The following TBCK variants were observed in gnomAD, a reference collection of about 807,000 sequenced individuals.
TBCK encodes the protein TBC domain-containing protein kinase-like protein.
In TBCK, 99 loss-of-function variants were observed where a neutral mutation model predicts 113.4. That is an observed-to-expected ratio of 0.87 (90% CI 0.74 to 1.03). The LOEUF (loss-of-function observed/expected upper bound fraction) is 1.03. Ranked by LOEUF, TBCK falls within the 50% of genes least tolerant of loss-of-function variation. TBCK has a pLI of 0.00. For missense variants in TBCK, 1,045 were observed against 1,061.3 expected (o/e 0.98, Z 0.21); for synonymous variants, 369 against 370.8 (o/e 1.00, Z 0.05).
chr4:106,237,450 C>A (rs931979909), intron 12 of TBCK: 1 of 454,316 alleles, frequency 2.2e-6, no homozygotes, highest in Non-Finnish European at 4.4e-6. Context: ...AAAATGTTAA[C>A]CACATCCTAA....
intron 25 of TBCK, among the ~76,000 whole-genome samples, chr4:106,057,138 C>T (rs2149454106): frequency 6.6e-6 from 1 of 151,704 alleles, no homozygotes; most frequent in African/African-American, 2.4e-5. Context: ...TCAGGCAAAC[C>T]CTTCTATTGT....
chr4:106,173,959 C>T (rs1439294404), intron 22 of TBCK, among the ~76,000 whole-genome samples: 1 of 152,082 alleles, frequency 6.6e-6, no homozygotes, highest in Non-Finnish European at 1.5e-5. Flanking sequence ...TATTTTGCAA[C>T]TCTGGGTAAA....
intron 12 of TBCK, among the ~76,000 whole-genome samples, chr4:106,241,519 A>G (rs1760137956): frequency 6.6e-6 from 1 of 152,010 alleles, no homozygotes; most frequent in Non-Finnish European, 1.5e-5. Context: ...GATTAAGGCA[A>G]TGTGGTATTT....
intron 24 of TBCK, among the ~76,000 whole-genome samples, chr4:106,107,474 C>T (rs1742298502): frequency 6.6e-6 from 1 of 152,060 alleles, no homozygotes; most frequent in Non-Finnish European, 1.5e-5. Context: ...GAAGTCAACA[C>T]AATAAAAATC....
At chr4:106,288,447 T>C (rs1297707232) in intron 3 of TBCK, among the ~76,000 whole-genome samples, 1 of 152,172 alleles carries the variant, frequency 6.6e-6, no homozygotes, top group Non-Finnish European at 1.5e-5. Flanking sequence ...GCATATATTA[T>C]ACATTTTCAG....
At chr4:106,215,444 C>T (rs936169474) in intron 19 of TBCK, among the ~76,000 whole-genome samples, 1 of 152,084 alleles carries the variant, frequency 6.6e-6, no homozygotes, top group Non-Finnish European at 1.5e-5. Context: ...AGTCAAGACC[C>T]ATCAGTGTGC....
In TBCK at chr4:106,061,324, T is replaced by C. The variant is rs529438709; in HGVS notation, c.2572-14644A>G. On this transcript the variant is annotated intron_variant, in intron 25 of 25. Coordinates refer to ENST00000394708, the MANE Select transcript of TBCK (RefSeq NM_001163435.3). ...CAGCCACTTCAATCTTTAGCCACCATTGCCCTTTAGGAACCTTTAGCAACC... is the reference window on the plus strand; with the variant it reads ...CAGCCACTTCAATCTTTAGCCACCACTGCCCTTTAGGAACCTTTAGCAACC... Among the ~76,000 whole-genome samples the C allele has an allele frequency of 4.0e-5, 6 of 151,872 alleles. No individual in the cohort carries two copies. The East Asian group carries it at 9.7e-4, about 25-fold the overall frequency.
chr4:106,236,764 T>G lies in TBCK; in HGVS notation c.1215A>C (p.Glu405Asp). ...ATGAGACTACATATACTCACTCATC[T>G]TCAAGTAATGGGTAAAATGCTTCTC... ...VGGEAFYPLL[E>D]DDQSNLPHSN... The change falls in exon 13 of 26, where the codon GAA becomes GAC. Residue 405 changes from glutamate (E) to aspartate (D), a missense_variant. Glu to Asp is a conservative substitution (Grantham distance 45, BLOSUM62 2). Coordinates refer to ENST00000394708, the MANE Select transcript of TBCK (RefSeq NM_001163435.3). 1 of 1,504,724 alleles carries G rather than the reference T, an allele frequency of 6.6e-7. No homozygotes were observed. The highest frequency in any genetic ancestry group is 8.9e-7 in the Non-Finnish European group (1 of 1,123,638). 93.2% of individuals were successfully genotyped at this position (1,504,724 alleles called of 1,614,324 possible).
intron 19 of TBCK, among the ~76,000 whole-genome samples, chr4:106,217,722 T>C (rs1324924133): frequency 2.0e-5 from 3 of 150,466 alleles, no homozygotes; most frequent in Non-Finnish European, 4.5e-5. Flanking sequence ...TCAAAGAGGA[T>C]ACAAACAAAT....
At chr4:106,170,534 T>C (rs1317066878) in intron 23 of TBCK, among the ~76,000 whole-genome samples, 1 of 152,102 alleles carries the variant, frequency 6.6e-6, no homozygotes, top group Non-Finnish European at 1.5e-5. Flanking sequence ...GAAAGTGCCA[T>C]ATCTGAAAAG....
chr4:106,147,318 C>G (rs1157005036), intron 23 of TBCK, among the ~76,000 whole-genome samples: 1 of 152,160 alleles, frequency 6.6e-6, no homozygotes, highest in Non-Finnish European at 1.5e-5. Flanking sequence ...AGAGAAGTCA[C>G]TATCTATGGC....
intron 23 of TBCK, among the ~76,000 whole-genome samples, chr4:106,150,760 G>A (rs1748382266): frequency 6.6e-6 from 1 of 152,102 alleles, no homozygotes. Context: ...ATGCCATGAA[G>A]ACAAAGTAGA....
chr4:106,272,842 T>C lies in TBCK; in HGVS notation c.267-10630A>G, dbSNP rs536974287. ...AAGGGTATTTTGCATATAGCAAAGA[T>C]GTAATAGAATATAAGCAAAGCAAAC... On this transcript the variant is annotated intron_variant, in intron 3 of 25. Transcript: ENST00000394708. Among the ~76,000 whole-genome samples the C allele has an allele frequency of 5.3e-5, 8 of 152,258 alleles. No individual in the cohort carries two copies. The East Asian group carries it at 1.5e-3, about 29-fold the overall frequency.
At chr4:106,313,562 G>T (rs763612963) in intron 1 of TBCK, among the ~76,000 whole-genome samples, 2 of 152,134 alleles carry the variant, frequency 1.3e-5, no homozygotes, top group Non-Finnish European at 2.9e-5. Flanking sequence ...ATATATTCCA[G>T]GGAAATAGGG....
Position 106,043,697 on chromosome 4 carries a change from C to G in TBCK, c.*2873G>C, listed in dbSNP as rs917264065. On this transcript the variant is annotated 3_prime_UTR_variant, in exon 26 of 26. Transcript: ENST00000394708. ...GACTGGAGGAGGTACACTGTTGTTG[C>G]TAGATTATCAAGAGTTAATAAGTGT... 6.6e-6 allele frequency: 1 copy of G among 151,784 alleles called. No homozygotes were observed. The highest frequency in any genetic ancestry group is 2.4e-5 in the African/African-American group (1 of 41,308). The allele number at this position is 151,784 out of a possible 1,614,324, so 9.4% of individuals were successfully genotyped here. A position where few individuals can be genotyped will look rare whatever the true frequency, so the allele number is the denominator to read the frequency against.
At chr4:106,245,027 CAG>C (rs1274861927) in intron 10 of TBCK, among the ~76,000 whole-genome samples, 1 of 152,032 alleles carries the variant, frequency 6.6e-6, no homozygotes, top group Non-Finnish European at 1.5e-5. Flanking sequence ...GGACTGGAGA[CAG>C]AGAGGAGAAT....
At chr4:106,258,577 G>A (rs1324697549) in intron 5 of TBCK, among the ~76,000 whole-genome samples, 1 of 152,032 alleles carries the variant, frequency 6.6e-6, no homozygotes, top group Admixed American at 6.5e-5. Flanking sequence ...TTAAATTCAA[G>A]TGTAGCTCTT....
chr4:106,294,319 A>G (rs1766039722), intron 3 of TBCK, among the ~76,000 whole-genome samples: 1 of 151,616 alleles, frequency 6.6e-6, no homozygotes, highest in Non-Finnish European at 1.5e-5. Context: ...CATCCTGGGT[A>G]GCTGGGATTA....
chr4:106,123,398 T>C (rs1265077469), intron 23 of TBCK, among the ~76,000 whole-genome samples: 8 of 152,252 alleles, frequency 5.3e-5, no homozygotes, highest in East Asian at 1.9e-4. Context: ...GAAGAACATT[T>C]CATGCTCATG....
Sources: gnomAD v4.1 joint callset for allele counts (sites outside exome capture counted in the v4.1 genomes callset) on GRCh38, gnomAD v4.1.1 for gene constraint, MANE v1.5 for transcripts, NCBI Gene and HGNC (gene_info 2026-07-23, HGNC 2026-07-21) for gene names.